Variants in COL8A1 observed in about 807,000 individuals in gnomAD.
COL8A1 encodes the protein collagen type VIII alpha 1 chain.
In COL8A1, 21 loss-of-function variants were observed where a neutral mutation model predicts 42.7. The observed-to-expected ratio is 0.49, with a 90% CI of 0.35 to 0.71. The LOEUF (loss-of-function observed/expected upper bound fraction) is 0.71. Ranked by LOEUF, COL8A1 falls within the 30% of genes least tolerant of loss-of-function variation. The pLI is 0.01. For synonymous variants in COL8A1, 367 were observed against 369.1 expected (o/e 0.99, Z 0.06); for missense variants, 788 against 962.4 (o/e 0.82, Z 2.40).
At chr3:99,767,231 A>T (rs704575) in intron 2 of COL8A1, among the ~76,000 whole-genome samples, 97,293 of 151,962 alleles carry the variant, frequency 0.64, 31,879 homozygotes, top group African/African-American at 0.78. Flanking sequence ...CTTTCTCTGA[A>T]GATTTGGGAT....
chr3:99,732,533 C>G (rs968324879), intron 1 of COL8A1, among the ~76,000 whole-genome samples: 49 of 152,112 alleles, frequency 3.2e-4, no homozygotes, highest in African/African-American at 1.1e-3. Context: ...AGCACTCACT[C>G]ACTATCCTGA....
intron 2 of COL8A1, among the ~76,000 whole-genome samples, chr3:99,773,837 A>ATATATATATATATATATT (rs1200212756): frequency 2.0e-4 from 9 of 45,404 alleles, no homozygotes; most frequent in African/African-American, 2.6e-4. Context: ...ATATATATAT[A>ATATATATATATATATATT]TTTTTTTTTT....
intron 1 of COL8A1, among the ~76,000 whole-genome samples, chr3:99,737,264 G>C (rs1379017391): frequency 1.3e-5 from 2 of 151,898 alleles, no homozygotes; most frequent in African/African-American, 2.4e-5. Context: ...ATTTGATCCT[G>C]TCATTATGAT....
intron 1 of COL8A1, among the ~76,000 whole-genome samples, chr3:99,728,530 G>A (rs1940404693): frequency 6.6e-6 from 1 of 151,946 alleles, no homozygotes; most frequent in Non-Finnish European, 1.5e-5. Context: ...AGCTCTTACT[G>A]AATACATATC....
At chr3:99,721,829 C>T (rs986752709) in intron 1 of COL8A1, among the ~76,000 whole-genome samples, 4 of 150,754 alleles carry the variant, frequency 2.7e-5, no homozygotes, top group East Asian at 1.9e-4. Flanking sequence ...AACAAAAGGA[C>T]GGAAGAGTCT....
intron 1 of COL8A1, among the ~76,000 whole-genome samples, chr3:99,669,003 G>A (rs1040149459): frequency 1.3e-5 from 2 of 151,298 alleles, no homozygotes; most frequent in Non-Finnish European, 2.9e-5. Context: ...TCTGCTTCAG[G>A]GTCCCTCACA....
At chr3:99,776,081 C>G (rs1013584264) in intron 2 of COL8A1, among the ~76,000 whole-genome samples, 1 of 152,146 alleles carries the variant, frequency 6.6e-6, no homozygotes, top group Non-Finnish European at 1.5e-5. Flanking sequence ...TTCCTTCTTG[C>G]TTACAAGAAG....
At chr3:99,773,815 G>GTATATCTATATATATATATATATATTA in intron 2 of COL8A1, among the ~76,000 whole-genome samples, 1 of 35,900 alleles carries the variant, frequency 2.8e-5, no homozygotes, top group Non-Finnish European at 5.0e-5. Flanking sequence ...ATATATGTGT[G>GTATATCTATATATATATATATATATTA]TATATATATA....
chr3:99,742,798 A>T (rs1043499807), intron 1 of COL8A1, among the ~76,000 whole-genome samples: 17 of 152,214 alleles, frequency 1.1e-4, no homozygotes, highest in Admixed American at 2.0e-4. Context: ...AAGATACATG[A>T]CATGTACATA....
intron 1 of COL8A1, among the ~76,000 whole-genome samples, chr3:99,690,796 A>G (rs543321067): frequency 6.6e-6 from 1 of 152,364 alleles, no homozygotes; most frequent in African/African-American, 2.4e-5. Context: ...GTTAAAATTC[A>G]CGGAATTAGC....
At chr3:99,650,337 A>G (rs190683285) in intron 1 of COL8A1, among the ~76,000 whole-genome samples, 8 of 152,366 alleles carry the variant, frequency 5.3e-5, no homozygotes, top group Non-Finnish European at 1.2e-4. Context: ...ACTGTCTAAT[A>G]GAACTTTCTG....
At position 99,790,862 on chromosome 3, in the gene COL8A1, C is replaced by T; in HGVS notation, c.180C>T (p.His60=). 1 of 1,614,262 alleles carries T rather than the reference C, an allele frequency of 6.2e-7. No homozygotes were observed. The highest frequency in any genetic ancestry group is 1.3e-5 in the African/African-American group (1 of 75,066). ...AGCCCCTGGGTCAGCAAGTACCTCA[C>T]ATGCCTTTGGCCAAAGATGGCCTTG... ...QYQPLGQQVP[H]MPLAKDGLAM... Residue 60 remains histidine (H), a synonymous_variant, in exon 3 of 4, where the codon CAC becomes CAT. Transcript: ENST00000652472.
chr3:99,780,255 G>C (rs1941770661), intron 2 of COL8A1, among the ~76,000 whole-genome samples: 1 of 152,112 alleles, frequency 6.6e-6, no homozygotes, highest in Non-Finnish European at 1.5e-5. Flanking sequence ...AAGAAACCAA[G>C]GCACAGACAG....
At chr3:99,771,610 G>A (rs563389927) in intron 2 of COL8A1, among the ~76,000 whole-genome samples, 1 of 152,290 alleles carries the variant, frequency 6.6e-6, no homozygotes, top group South Asian at 2.1e-4. Context: ...ATGGTTGAGC[G>A]GGAGCCTTTC....
chr3:99,798,670 ATGTG>A lies in COL8A1; in HGVS notation c.*2540_*2543del, dbSNP rs765870046. On this transcript the variant is annotated 3_prime_UTR_variant, in exon 4 of 4. Coordinates refer to ENST00000652472, the MANE Select transcript of COL8A1 (RefSeq NM_020351.4). ...AGCGCACGTGTGTGTATGCGTGCGC[ATGTG>A]TGTGTATGTGTATTATCAGACATAG... is the stretch of plus-strand genomic sequence containing the variant. 14 of 152,122 alleles carry A rather than the reference ATGTG, an allele frequency of 9.2e-5. No homozygotes were observed. The highest frequency in any genetic ancestry group is 2.4e-4 in the African/African-American group (10 of 41,542). The allele number at this position is 152,122 out of a possible 1,614,324, so 9.4% of individuals were successfully genotyped here. A position where few individuals can be genotyped will look rare whatever the true frequency, so the allele number is the denominator to read the frequency against.
rs1942139640 is a variant in COL8A1, at chr3:99,798,472, A to G, written c.*2336A>G. On this transcript the variant is annotated 3_prime_UTR_variant, in exon 4 of 4. Coordinates refer to ENST00000652472, the MANE Select transcript of COL8A1 (RefSeq NM_020351.4). ...CAAGTCAGATCAGGTGATTTGTAAA[A>G]TTGTATTTATCTGTACATGTATGGG... 1 of 152,222 alleles carries G rather than the reference A, an allele frequency of 6.6e-6. No individual in the cohort carries two copies. The highest frequency in any genetic ancestry group is 1.5e-5 in the Non-Finnish European group (1 of 68,042). 9.4% of individuals were successfully genotyped at this position (152,222 alleles called of 1,614,324 possible).
chr3:99,729,426 T>C (rs1308985874), intron 1 of COL8A1, among the ~76,000 whole-genome samples: 1 of 152,026 alleles, frequency 6.6e-6, no homozygotes, highest in Admixed American at 6.6e-5. Context: ...TTTGAAACCA[T>C]TAAATATGGT....
At chr3:99,680,968 C>A (rs1205221393) in intron 1 of COL8A1, among the ~76,000 whole-genome samples, 3 of 152,116 alleles carry the variant, frequency 2.0e-5, no homozygotes, top group African/African-American at 4.8e-5. Context: ...CCCTTCCTTA[C>A]ACCTTATACA....
chr3:99,678,356 T>A (rs1938763495), intron 1 of COL8A1: 1 of 152,010 alleles, frequency 6.6e-6, no homozygotes, highest in South Asian at 2.1e-4. Context: ...TTGGACACAA[T>A]ACAGCATGTA....
Sources: gnomAD v4.1 joint callset for allele counts (sites outside exome capture counted in the v4.1 genomes callset) on GRCh38, gnomAD v4.1.1 for gene constraint, MANE v1.5 for transcripts, NCBI Gene and HGNC (gene_info 2026-07-23, HGNC 2026-07-21) for gene names.